Variants in CHST11 observed in about 807,000 individuals in gnomAD.
CHST11 encodes the protein C4S-1.
Under a neutral mutation model 30.4 loss-of-function variants are expected in CHST11, and 9 were observed. The observed-to-expected ratio is 0.30, with a 90% confidence interval of 0.18 to 0.52. CHST11 has a LOEUF of 0.52. Among genes scored for constraint, CHST11 ranks in the 20% least tolerant of loss-of-function variants. The pLI, the probability that CHST11 is intolerant of heterozygous loss-of-function variation, is 0.97. For synonymous variants in CHST11, 152 were observed against 187.8 expected (o/e 0.81, Z 1.56); for missense variants, 348 against 460.6 (o/e 0.76, Z 2.24).
intron 2 of CHST11, among the ~76,000 whole-genome samples, chr12:104,665,210 G>T (rs12811509): frequency 0.094 from 14,254 of 152,214 alleles, 688 homozygotes; most frequent in Middle Eastern, 0.15. Flanking sequence ...CATTTATTAT[G>T]TACTGTGTGG....
At chr12:104,578,744 C>G (rs2038709792) in intron 1 of CHST11, among the ~76,000 whole-genome samples, 1 of 152,134 alleles carries the variant, frequency 6.6e-6, no homozygotes, top group Non-Finnish European at 1.5e-5. Flanking sequence ...CTTGAGGAGG[C>G]AAAAGCCAAC....
At chr12:104,644,705 T>C (rs1012317900) in intron 2 of CHST11, among the ~76,000 whole-genome samples, 2 of 152,222 alleles carry the variant, frequency 1.3e-5, no homozygotes, top group African/African-American at 4.8e-5. Flanking sequence ...GGTGGTTCTG[T>C]CTCAGAGCCC....
chr12:104,532,992 T>C (rs112526870), intron 1 of CHST11, among the ~76,000 whole-genome samples: 5,759 of 152,196 alleles, frequency 0.038, 385 homozygotes, highest in African/African-American at 0.13. Flanking sequence ...CCCAGGCTGG[T>C]CTTGAACTCC....
chr12:104,704,660 A>T (rs1180717573), intron 2 of CHST11, among the ~76,000 whole-genome samples: 4 of 152,196 alleles, frequency 2.6e-5, no homozygotes, highest in Non-Finnish European at 4.4e-5. Context: ...TCTGCTGTTT[A>T]GAGTAGTTCA....
chr12:104,740,696 T>G (rs565196117), intron 2 of CHST11, among the ~76,000 whole-genome samples: 3 of 152,342 alleles, frequency 2.0e-5, no homozygotes, highest in Admixed American at 1.3e-4. Flanking sequence ...CAGAAGAATA[T>G]TAATACCTCT....
At chr12:104,506,145 G>C (rs759680463) in intron 1 of CHST11, among the ~76,000 whole-genome samples, 2 of 152,202 alleles carry the variant, frequency 1.3e-5, no homozygotes, top group Non-Finnish European at 2.9e-5. Context: ...TGATCTGTGC[G>C]TTTCCATTCA....
intron 2 of CHST11, among the ~76,000 whole-genome samples, chr12:104,635,122 T>C (rs2039311179): frequency 6.6e-6 from 1 of 152,114 alleles, no homozygotes; most frequent in Non-Finnish European, 1.5e-5. Flanking sequence ...CTTTGAGATT[T>C]CATTTGTCAC....
intron 2 of CHST11, among the ~76,000 whole-genome samples, chr12:104,649,799 A>G (rs1247399726): frequency 6.6e-6 from 1 of 152,244 alleles, no homozygotes; most frequent in East Asian, 1.9e-4. Context: ...GATCCCTTGA[A>G]ATAATGGGAT....
chr12:104,471,811 A>G (rs866133256), intron 1 of CHST11, among the ~76,000 whole-genome samples: 2 of 152,210 alleles, frequency 1.3e-5, no homozygotes, highest in Middle Eastern at 3.2e-3. Flanking sequence ...GTGTATTTTT[A>G]CAGGACATCT....
chr12:104,688,079 T>A (rs557931163), intron 2 of CHST11, among the ~76,000 whole-genome samples: 5 of 152,264 alleles, frequency 3.3e-5, no homozygotes, highest in Admixed American at 3.3e-4. Context: ...AAAGATGTGG[T>A]CATTTGTGTG....
chr12:104,656,940 T>A (rs1354766973), intron 2 of CHST11, among the ~76,000 whole-genome samples: 1 of 152,154 alleles, frequency 6.6e-6, no homozygotes, highest in Non-Finnish European at 1.5e-5. Flanking sequence ...GTTTCTAAGA[T>A]ATGGTGTTCC....
chr12:104,592,367 G>T (rs1471105704), intron 1 of CHST11, among the ~76,000 whole-genome samples: 1 of 152,094 alleles, frequency 6.6e-6, no homozygotes, highest in Admixed American at 6.5e-5. Flanking sequence ...CCAAAGCATT[G>T]GCAGATTTGG....
Position 104,475,689 on chromosome 12 carries a change from T to TATATATATATATATATATATAA in CHST11, c.118+18162_118+18163insATATATATATATATATATAAAT, listed in dbSNP as rs1232136682. ...ATATATATATATATATATATATATA[T>TATATATATATATATATATATAA]ATTTCTGATTATGAAATTAATTCAA... On this transcript the variant is annotated intron_variant, in intron 1 of 2. Coordinates refer to ENST00000303694, the MANE Select transcript of CHST11 (RefSeq NM_018413.6). Among the ~76,000 whole-genome samples, 48 of 77,550 alleles carry TATATATATATATATATATATAA rather than the reference T, an allele frequency of 6.2e-4. 1 individual carries two copies. Among genetic ancestry groups the TATATATATATATATATATATAA allele is most frequent in the African/African-American group, 1.7e-3 (47 of 27,892 alleles). 50.9% of individuals were successfully genotyped at this position (77,550 alleles called of 152,430 possible). A position where few individuals can be genotyped will look rare whatever the true frequency, so the allele number is the denominator to read the frequency against.
intron 1 of CHST11, among the ~76,000 whole-genome samples, chr12:104,564,736 T>A (rs1335541619): frequency 6.6e-6 from 1 of 152,202 alleles, no homozygotes; most frequent in Non-Finnish European, 1.5e-5. Context: ...TTCATACTGC[T>A]ATCAAGAAAT....
chr12:104,486,998 C>G (rs2037685920), intron 1 of CHST11, among the ~76,000 whole-genome samples: 2 of 152,188 alleles, frequency 1.3e-5, no homozygotes, highest in South Asian at 2.1e-4. Context: ...CATTTCTGGT[C>G]TGAGATATTT....
chr12:104,519,071 GGTGTGTGTGTGT>G (rs10628757), intron 1 of CHST11, among the ~76,000 whole-genome samples: 4 of 139,640 alleles, frequency 2.9e-5, no homozygotes, highest in South Asian at 2.3e-4. Flanking sequence ...GGACTCTTGA[GGTGTGTGTGTGT>G]GTGTGTGTGT....
chr12:104,457,302 C>G lies in CHST11; in HGVS notation c.-110C>G, dbSNP rs1294035579. 9.9e-6 allele frequency: 7 copies of G among 707,878 alleles called. No individual in the cohort carries two copies. The highest frequency in any genetic ancestry group is 9.7e-6 in the Non-Finnish European group (4 of 411,444). 43.8% of individuals were successfully genotyped at this position (707,878 alleles called of 1,614,324 possible). A position where few individuals can be genotyped will look rare whatever the true frequency, so the allele number is the denominator to read the frequency against. On this transcript the variant is annotated 5_prime_UTR_variant, in exon 1 of 3. Transcript: ENST00000303694. Reference sequence around the variant, plus strand: ...ACTCCGATCCTCCCTCTGAGCCTTGCTCAGCTCTGCCCCGCGCCTCCCGGG... The same window carrying G: ...ACTCCGATCCTCCCTCTGAGCCTTGGTCAGCTCTGCCCCGCGCCTCCCGGG...
intron 2 of CHST11, among the ~76,000 whole-genome samples, chr12:104,668,215 T>C (rs973039412): frequency 1.3e-5 from 2 of 152,120 alleles, no homozygotes; most frequent in African/African-American, 4.8e-5. Flanking sequence ...AGGGACTAAA[T>C]GAGATTATCC....
At chr12:104,556,448 T>C (rs1055241009) in intron 1 of CHST11, among the ~76,000 whole-genome samples, 1 of 152,180 alleles carries the variant, frequency 6.6e-6, no homozygotes, top group African/African-American at 2.4e-5. Context: ...CAGACATTTA[T>C]CCTCTCATGG....
Sources: gnomAD v4.1 joint callset for allele counts (sites outside exome capture counted in the v4.1 genomes callset) on GRCh38, gnomAD v4.1.1 for gene constraint, MANE v1.5 for transcripts, NCBI Gene and HGNC (gene_info 2026-07-23, HGNC 2026-07-21) for gene names.